GNAQ: variants seen among roughly 807,000 people sequenced by gnomAD.
GNAQ encodes the protein G protein subunit alpha q.
A neutral mutation model predicts 43.9 loss-of-function variants in GNAQ; 8 were observed. The ratio of observed to expected loss-of-function variants is 0.18; its 90% confidence interval spans 0.11 to 0.33. GNAQ has a LOEUF of 0.33. Among genes scored for constraint, GNAQ ranks in the 10% least tolerant of loss-of-function variants. The probability of loss-of-function intolerance (pLI) is 1.00; values close to 1 mark genes in which losing one functional copy is unlikely to be tolerated. For missense variants in GNAQ, 158 were observed against 450.8 expected (o/e 0.35, Z 5.88); for synonymous variants, 155 against 170.7 (o/e 0.91, Z 0.71).
chr9:78,014,928 G>A (rs887649927), intron 1 of GNAQ, among the ~76,000 whole-genome samples: 25 of 152,072 alleles, frequency 1.6e-4, no homozygotes, highest in African/African-American at 5.3e-4. Context: ...TACTGACATC[G>A]TAGTTATCAT....
At chr9:77,763,558 C>G (rs192601003) in intron 5 of GNAQ, among the ~76,000 whole-genome samples, 1 of 152,308 alleles carries the variant, frequency 6.6e-6, no homozygotes, top group Admixed American at 6.5e-5. Context: ...TGCGATTTTG[C>G]TAACTGCTGT....
At chr9:77,998,224 A>G (rs1474979445) in intron 1 of GNAQ, among the ~76,000 whole-genome samples, 1 of 152,200 alleles carries the variant, frequency 6.6e-6, no homozygotes, top group Non-Finnish European at 1.5e-5. Context: ...CTCACAGTTC[A>G]CCCGCAAGAG....
intron 1 of GNAQ, among the ~76,000 whole-genome samples, chr9:77,951,052 C>A (rs1330876034): frequency 1.3e-5 from 2 of 149,000 alleles, no homozygotes; most frequent in Non-Finnish European, 3.0e-5. Flanking sequence ...TTGTTTAGGG[C>A]ACATTTATAA....
At chr9:77,992,907 T>C (rs927668109) in intron 1 of GNAQ, among the ~76,000 whole-genome samples, 1 of 152,150 alleles carries the variant, frequency 6.6e-6, no homozygotes, top group Admixed American at 6.6e-5. Flanking sequence ...ATCAAGCCAC[T>C]ATTCTCCAGC....
intron 4 of GNAQ, among the ~76,000 whole-genome samples, chr9:77,795,098 C>A (rs917419344): frequency 6.6e-6 from 1 of 152,066 alleles, no homozygotes; most frequent in Non-Finnish European, 1.5e-5. Flanking sequence ...AATGCAGATA[C>A]GACCCCACTC....
At chr9:78,008,830 G>A (rs1823739667) in intron 1 of GNAQ, among the ~76,000 whole-genome samples, 1 of 152,114 alleles carries the variant, frequency 6.6e-6, no homozygotes, top group Non-Finnish European at 1.5e-5. Context: ...TGTTAACCAG[G>A]ATGGTCTAGA....
chr9:77,879,781 G>A (rs948992244), intron 2 of GNAQ, among the ~76,000 whole-genome samples: 4 of 152,162 alleles, frequency 2.6e-5, no homozygotes, highest in South Asian at 2.1e-4. Context: ...GAAAGACTTA[G>A]ACTGTGACTA....
chr9:77,818,403 A>T (rs1827055494), intron 2 of GNAQ, among the ~76,000 whole-genome samples: 1 of 152,072 alleles, frequency 6.6e-6, no homozygotes, highest in Non-Finnish European at 1.5e-5. Flanking sequence ...AAAATTGTGC[A>T]TATAAACGTT....
intron 1 of GNAQ, among the ~76,000 whole-genome samples, chr9:77,941,243 T>C (rs540454527): frequency 3.3e-5 from 5 of 151,950 alleles, no homozygotes; most frequent in South Asian, 2.1e-4. Flanking sequence ...AACTCAACAA[T>C]AGCTACCATA....
At chr9:77,845,720 T>G (rs1418005717) in intron 2 of GNAQ, among the ~76,000 whole-genome samples, 2 of 152,092 alleles carry the variant, frequency 1.3e-5, no homozygotes, top group Non-Finnish European at 2.9e-5. Context: ...CTGTAAAACT[T>G]TACACAGTAT....
intron 1 of GNAQ, among the ~76,000 whole-genome samples, chr9:77,979,935 T>C (rs970170496): frequency 2.6e-5 from 4 of 152,312 alleles, no homozygotes; most frequent in African/African-American, 9.6e-5. Flanking sequence ...CTTGGCCATG[T>C]TATGAGACAG....
chr9:77,909,451 A>G (rs1487228241), intron 2 of GNAQ, among the ~76,000 whole-genome samples: 1 of 152,194 alleles, frequency 6.6e-6, no homozygotes, highest in African/African-American at 2.4e-5. Context: ...ACTGTTTTTA[A>G]GGACGTTTCA....
chr9:77,782,430 A>G (rs913531276), intron 5 of GNAQ, among the ~76,000 whole-genome samples: 3 of 152,154 alleles, frequency 2.0e-5, no homozygotes, highest in African/African-American at 7.2e-5. Flanking sequence ...AAATGCAAAT[A>G]AAAACCACAA....
At chr9:78,022,948 A>G (rs866675073) in intron 1 of GNAQ, among the ~76,000 whole-genome samples, 15 of 152,242 alleles carry the variant, frequency 9.9e-5, no homozygotes, top group Admixed American at 7.2e-4. Context: ...TACAATCAGA[A>G]AAAGATGTTA....
intron 2 of GNAQ, among the ~76,000 whole-genome samples, chr9:77,859,869 G>A (rs1018166057): frequency 6.6e-6 from 1 of 152,184 alleles, no homozygotes; most frequent in Admixed American, 6.5e-5. Flanking sequence ...TCAAAAAAGT[G>A]AAGGTCTTAT....
At chr9:77,861,879 C>T (rs986801493) in intron 2 of GNAQ, among the ~76,000 whole-genome samples, 1 of 152,002 alleles carries the variant, frequency 6.6e-6, no homozygotes, top group African/African-American at 2.4e-5. Flanking sequence ...ATGGCACACA[C>T]CTGTAATCCC....
intron 6 of GNAQ, among the ~76,000 whole-genome samples, chr9:77,722,104 T>C (rs1415590548): frequency 6.6e-6 from 1 of 152,096 alleles, no homozygotes; most frequent in African/African-American, 2.4e-5. Context: ...ATTCAGTTCA[T>C]GTGTGATGAT....
chr9:77,940,560 C>A (rs746570762), intron 1 of GNAQ, among the ~76,000 whole-genome samples: 7 of 152,128 alleles, frequency 4.6e-5, no homozygotes, highest in Non-Finnish European at 1.0e-4. Flanking sequence ...GCCTGAGCGA[C>A]AGAGACCCTG....
chr9:77,723,820 G>A (rs764152753), intron 6 of GNAQ, among the ~76,000 whole-genome samples: 3 of 152,124 alleles, frequency 2.0e-5, no homozygotes, highest in Non-Finnish European at 4.4e-5. Context: ...AATTGGGGTG[G>A]TGAAAATATT....
Sources: allele counts gnomAD v4.1 joint callset (sites outside exome capture counted in the v4.1 genomes callset), GRCh38; gene constraint gnomAD v4.1.1; transcripts MANE v1.5; gene names NCBI Gene and HGNC (gene_info 2026-07-23, HGNC 2026-07-21).